SPTLC3: variants seen among roughly 807,000 people sequenced by gnomAD.
SPTLC3 encodes the protein serine palmitoyltransferase long chain base subunit 3.
In SPTLC3, 36 loss-of-function variants were observed where a neutral mutation model predicts 59.3. The observed-to-expected ratio is 0.61, with a 90% CI of 0.47 to 0.80. The LOEUF is 0.80. Ranked by LOEUF, SPTLC3 falls within the 30% of genes least tolerant of loss-of-function variation. SPTLC3 has a pLI of 0.00. For synonymous variants in SPTLC3, 257 were observed against 240.8 expected, an observed-to-expected ratio of 1.07 and a Z score of -0.62; for missense variants, 625 against 685.1, an observed-to-expected ratio of 0.91 and a Z score of 0.98.
rs370871881 is a variant in SPTLC3, at chr20:13,142,469, T to C, written c.1280-11534T>C. Reference sequence around the variant, plus strand: ...GGGGAACTGGTATTCCACACTGGCCTTTGTTTTTCCTTCCTACAGCTGGGG... The same window carrying C: ...GGGGAACTGGTATTCCACACTGGCCCTTGTTTTTCCTTCCTACAGCTGGGG... On this transcript the variant is annotated intron_variant, in intron 9 of 11. Transcript: ENST00000399002. Among the ~76,000 whole-genome samples the C allele has an allele frequency of 8.5e-5, 13 of 152,344 alleles. No individual in the cohort carries two copies. The South Asian group carries it at 2.5e-3, about 29-fold the overall frequency.
intron 2 of SPTLC3, among the ~76,000 whole-genome samples, chr20:13,055,242 T>G (rs546505885): frequency 6.6e-6 from 1 of 151,944 alleles, no homozygotes; most frequent in African/African-American, 2.4e-5. Context: ...TAAAGGTTCT[T>G]GAGTTATAAA....
intron 9 of SPTLC3, among the ~76,000 whole-genome samples, chr20:13,127,353 G>C (rs1010056423): frequency 9.2e-5 from 14 of 152,128 alleles, no homozygotes; most frequent in Admixed American, 6.5e-5. Flanking sequence ...ACACCAGAGG[G>C]GATACGGTGC....
chr20:13,094,903 C>T lies in SPTLC3; in HGVS notation c.826+1326C>T, dbSNP rs993222308. 5.9e-5 allele frequency among the ~76,000 whole-genome samples: 9 copies of T among 152,286 alleles called. No individual in the cohort carries two copies. In the South Asian group the frequency reaches 1.9e-3, roughly 32 times the overall value. On this transcript the variant is annotated intron_variant, in intron 6 of 11. Coordinates refer to ENST00000399002, the MANE Select transcript of SPTLC3 (RefSeq NM_018327.4). ...GTGGCTATAACATCTGGCTTAATGT[C>T]ATTCAAAATACACTGACCTCATTTG...
chr20:13,032,485 C>T (rs529360390), intron 1 of SPTLC3, among the ~76,000 whole-genome samples: 2 of 152,306 alleles, frequency 1.3e-5, no homozygotes, highest in South Asian at 2.1e-4. Flanking sequence ...TTCCAGTGGA[C>T]TCTATACAGC....
intron 9 of SPTLC3, among the ~76,000 whole-genome samples, chr20:13,150,953 T>A (rs551076107): frequency 1.3e-3 from 196 of 152,328 alleles, no homozygotes; most frequent in African/African-American, 4.4e-3. Context: ...TGAGCTCTCA[T>A]AACACCAGAT....
rs766887942 is a variant in SPTLC3, at chr20:13,072,216, G to C, written c.304-40G>C. 1.5e-5 allele frequency: 23 copies of C among 1,567,248 alleles called. No homozygotes were observed. The South Asian group carries it at 2.5e-4, about 17-fold the overall frequency. ...TTCAATTGTAAGTGAAATCCAGAAA[G>C]CAAAGAACCAGAGATAACCTTCTAC... On this transcript the variant is annotated intron_variant, in intron 2 of 11. Coordinates refer to ENST00000399002, the MANE Select transcript of SPTLC3 (RefSeq NM_018327.4).
intron 6 of SPTLC3, among the ~76,000 whole-genome samples, chr20:13,104,413 CT>C (rs1471851521): frequency 6.6e-6 from 1 of 152,202 alleles, no homozygotes; most frequent in Non-Finnish European, 1.5e-5. Flanking sequence ...TCCCCTTTCA[CT>C]TGGCTCCCAC....
chr20:13,018,076 C>T (rs1393339958), intron 1 of SPTLC3, among the ~76,000 whole-genome samples: 1 of 152,194 alleles, frequency 6.6e-6, no homozygotes, highest in Non-Finnish European at 1.5e-5. Context: ...GGAAGTGAAT[C>T]CTCCAGCCCC....
intron 9 of SPTLC3, among the ~76,000 whole-genome samples, chr20:13,151,057 T>C (rs955053286): frequency 1.3e-5 from 2 of 152,194 alleles, no homozygotes; most frequent in Non-Finnish European, 2.9e-5. Flanking sequence ...GACTATAAGC[T>C]CTTCTGTTTT....
At chr20:13,121,856 A>G (rs999247281) in intron 8 of SPTLC3, among the ~76,000 whole-genome samples, 1 of 152,236 alleles carries the variant, frequency 6.6e-6, no homozygotes, top group African/African-American at 2.4e-5. Context: ...TCTTAACATT[A>G]AAAAGAACCA....
intron 8 of SPTLC3, among the ~76,000 whole-genome samples, chr20:13,118,448 G>GAAAAAAAAAAAAAAAAAA (rs376312661): frequency 9.2e-6 from 1 of 108,720 alleles, no homozygotes. Context: ...AGAGGTTTGT[G>GAAAAAAAAAAAAAAAAAA]GAAAAAAAAA....
intron 1 of SPTLC3, among the ~76,000 whole-genome samples, chr20:13,030,600 C>A (rs769013175): frequency 1.3e-5 from 2 of 152,136 alleles, no homozygotes; most frequent in African/African-American, 4.8e-5. Flanking sequence ...TTCCTTCATT[C>A]ATTAAATATT....
intron 7 of SPTLC3, among the ~76,000 whole-genome samples, chr20:13,112,606 G>A (rs892204334): frequency 1.3e-5 from 2 of 152,170 alleles, no homozygotes; most frequent in African/African-American, 4.8e-5. Context: ...AATCAACCTG[G>A]TGATGACACA....
intron 7 of SPTLC3, among the ~76,000 whole-genome samples, 168 bp from the exon 8 acceptor site, chr20:13,117,338 A>C (rs1380770352): frequency 6.6e-6 from 1 of 152,248 alleles, no homozygotes; most frequent in Non-Finnish European, 1.5e-5. Context: ...GAAATGCCCA[A>C]GTGGCCTTAC....
At chr20:13,082,926 A>C (rs1307391066) in intron 4 of SPTLC3, among the ~76,000 whole-genome samples, 5 of 152,280 alleles carry the variant, frequency 3.3e-5, no homozygotes, top group South Asian at 2.1e-4. Flanking sequence ...GTCTGCTCCT[A>C]ATTTCTCATG....
At chr20:13,023,544 C>A (rs981109213) in intron 1 of SPTLC3, among the ~76,000 whole-genome samples, 3 of 152,198 alleles carry the variant, frequency 2.0e-5, no homozygotes, top group African/African-American at 7.2e-5. Context: ...ATACCTAGAT[C>A]TCTAAAAGAC....
At chr20:13,133,566 T>G (rs1223235719) in intron 9 of SPTLC3, among the ~76,000 whole-genome samples, 1 of 152,074 alleles carries the variant, frequency 6.6e-6, no homozygotes, top group Non-Finnish European at 1.5e-5. Flanking sequence ...AAACCCCGTC[T>G]CTACTAAAAA....
intron 1 of SPTLC3, among the ~76,000 whole-genome samples, chr20:13,016,614 T>C (rs1415148113): frequency 6.6e-6 from 1 of 152,186 alleles, no homozygotes; most frequent in Non-Finnish European, 1.5e-5. Context: ...ATTATCTACT[T>C]TCTATGATAA....
intron 4 of SPTLC3, among the ~76,000 whole-genome samples, chr20:13,084,941 A>G (rs1988957116): frequency 6.6e-6 from 1 of 152,216 alleles, no homozygotes; most frequent in Admixed American, 6.5e-5. Context: ...CTCTCATCAG[A>G]ATTGTTTGAT....
Sources: gnomAD v4.1 joint callset for allele counts (sites outside exome capture counted in the v4.1 genomes callset) on GRCh38, gnomAD v4.1.1 for gene constraint, MANE v1.5 for transcripts, NCBI Gene and HGNC (gene_info 2026-07-23, HGNC 2026-07-21) for gene names.